NAT14: variants seen among roughly 807,000 people sequenced by gnomAD.
NAT14 encodes the protein N-acetyltransferase 14 (putative), also known as probable N-acetyltransferase 14.
Under a neutral mutation model 12.1 loss-of-function variants are expected in NAT14, and 14 were observed. The observed-to-expected ratio is 1.16, with a 90% confidence interval of 0.76 to 1.81. The LOEUF (loss-of-function observed/expected upper bound fraction) is 1.81. Ranked by LOEUF, NAT14 falls within the 40% of genes most tolerant of loss-of-function variation. The pLI, the probability that NAT14 is intolerant of heterozygous loss-of-function variation, is 0.00. For missense variants in NAT14, 341 were observed against 304.3 expected, an observed-to-expected ratio of 1.12 and a Z score of -0.90; for synonymous variants, 156 against 145.1, an observed-to-expected ratio of 1.08 and a Z score of -0.54.
At chr19:55,485,976 T>A (rs1986903326) in intron 2 of NAT14, 196 bp downstream of exon 2, 1 of 609,498 alleles carries the variant, frequency 1.6e-6, no homozygotes, top group Non-Finnish European at 2.9e-6. Context: ...CCAGCCCTAC[T>A]GGGACCCCAG....
chr19:55,485,816 C>T lies in NAT14; in HGVS notation c.72+36C>T, dbSNP rs777312174. ...GGGGCCCCAGGGGGCCTGGGAGTGG[C>T]TGCAGTGGGGGAATTGCAAGTGGAT... On this transcript the variant is annotated intron_variant, in intron 2 of 2. Coordinates refer to ENST00000205194, the MANE Select transcript of NAT14 (RefSeq NM_020378.4). 6.8e-6 allele frequency: 10 copies of T among 1,464,094 alleles called. No individual in the cohort carries two copies. In the South Asian group the frequency reaches 1.1e-4, roughly 16 times the overall value. 90.7% of individuals were successfully genotyped at this position (1,464,094 alleles called of 1,614,324 possible).
chr19:55,487,294 C>T lies in NAT14; in HGVS notation c.*338C>T, dbSNP rs779787796. On this transcript the variant is annotated 3_prime_UTR_variant, in exon 3 of 3. Transcript: ENST00000205194. ...TCTGCAAAGTCTGTGCTGTCCGTGCCCCAGGCTGGGAGAGCTATCTGGGGA... is the reference window on the plus strand; with the variant it reads ...TCTGCAAAGTCTGTGCTGTCCGTGCTCCAGGCTGGGAGAGCTATCTGGGGA... The T allele has an allele frequency of 3.7e-5, 16 of 435,460 alleles. No homozygotes were observed. Among genetic ancestry groups the T allele is most frequent in the Non-Finnish European group, 5.6e-5 (14 of 249,088 alleles). The allele number at this position is 435,460 out of a possible 1,614,324, so 27.0% of individuals were successfully genotyped here.
chr19:55,486,326 C>T (rs1986910239), intron 2 of NAT14, 82 bp from the exon 3 acceptor site: 1 of 1,384,696 alleles, frequency 7.2e-7, no homozygotes, highest in Non-Finnish European at 9.3e-7. Flanking sequence ...GCTCTCACCC[C>T]GCCCCGGGCA....
chr19:55,486,486 G>T lies in NAT14; in HGVS notation c.151G>T (p.Ala51Ser). Reference sequence around the variant, plus strand: ...GCCGGCCCTGCTCCTCCTGGCGGCGGCCAGCAGCGGCCTGCGCTTTGTCCT... The same window carrying T: ...GCCGGCCCTGCTCCTCCTGGCGGCGTCCAGCAGCGGCCTGCGCTTTGTCCT... The part of the protein sequence containing the change: ...RPPALLLLAA[A>S]SSGLRFVLAS... The change falls in exon 3 of 3, where the codon GCC becomes TCC. Residue 51 changes from alanine to serine, a missense_variant. Ala to Ser is a moderately conservative substitution (Grantham distance 99). Coordinates refer to ENST00000205194, the MANE Select transcript of NAT14 (RefSeq NM_020378.4). The T allele has an allele frequency of 1.3e-6, 2 of 1,563,674 alleles. No homozygotes were observed. The highest frequency in any genetic ancestry group is 1.2e-5 in the South Asian group (1 of 85,920).
rs1240857228 is a variant in NAT14, at chr19:55,486,397, C to T, written c.73-11C>T. 5 of 1,442,488 alleles carry T rather than the reference C, an allele frequency of 3.5e-6. No individual in the cohort carries two copies. The highest frequency in any genetic ancestry group is 2.7e-5 in the East Asian group (1 of 37,052). 89.4% of individuals were successfully genotyped at this position (1,442,488 alleles called of 1,614,324 possible). On this transcript the variant is annotated splice_polypyrimidine_tract_variant and intron_variant, in intron 2 of 2. Coordinates refer to ENST00000205194, the MANE Select transcript of NAT14 (RefSeq NM_020378.4). ...CGTTTCGGATGGCTGAGCCACCCCTCCTGCCCACAGGCCGGCGTGAAGGAC... is the reference window on the plus strand; with the variant it reads ...CGTTTCGGATGGCTGAGCCACCCCTTCTGCCCACAGGCCGGCGTGAAGGAC...
chr19:55,486,977 G>A lies in NAT14; in HGVS notation c.*21G>A, dbSNP rs1599906714. ...TGTGAAGCTACAGACTGACAGCCAGGGCAGGGGAGGAGGGAGGGGCGCCAG... is the reference window on the plus strand; with the variant it reads ...TGTGAAGCTACAGACTGACAGCCAGAGCAGGGGAGGAGGGAGGGGCGCCAG... On this transcript the variant is annotated 3_prime_UTR_variant, in exon 3 of 3. Coordinates refer to ENST00000205194, the MANE Select transcript of NAT14 (RefSeq NM_020378.4). 2.6e-6 allele frequency: 4 copies of A among 1,535,494 alleles called. No homozygotes were observed. Among genetic ancestry groups the A allele is most frequent in the East Asian group, 4.9e-5 (2 of 40,624 alleles).
At position 55,486,335 on chromosome 19, in the gene NAT14, C is replaced by A. The variant is rs953180244; in HGVS notation, c.73-73C>A. ...TTGGGAGCTCTCACCCCGCCCCGGG[C>A]AGGGTCTACCTCCTCTCTTTGTCCA... On this transcript the variant is annotated intron_variant, in intron 2 of 2. Transcript: ENST00000205194. 6 of 1,387,842 alleles carry A rather than the reference C, an allele frequency of 4.3e-6. No homozygotes were observed. The African/African-American group carries it at 9.1e-5, about 21-fold the overall frequency. 86.0% of individuals were successfully genotyped at this position (1,387,842 alleles called of 1,614,324 possible). A position where few individuals can be genotyped will look rare whatever the true frequency, so the allele number is the denominator to read the frequency against.
At position 55,486,995 on chromosome 19, in the gene NAT14, G is replaced by A; in HGVS notation, c.*39G>A. Reference sequence around the variant, plus strand: ...CAGCCAGGGCAGGGGAGGAGGGAGGGGCGCCAGCACCTGATGATCGCCTAC... The same window carrying A: ...CAGCCAGGGCAGGGGAGGAGGGAGGAGCGCCAGCACCTGATGATCGCCTAC... On this transcript the variant is annotated 3_prime_UTR_variant, in exon 3 of 3. Coordinates refer to ENST00000205194, the MANE Select transcript of NAT14 (RefSeq NM_020378.4). 1 of 1,521,680 alleles carries A rather than the reference G, an allele frequency of 6.6e-7. No individual in the cohort carries two copies. The allele number at this position is 1,521,680 out of a possible 1,614,324, so 94.3% of individuals were successfully genotyped here. A position where few individuals can be genotyped will look rare whatever the true frequency, so the allele number is the denominator to read the frequency against.
intron 2 of NAT14, 92 bp downstream of exon 2, chr19:55,485,872 G>A (rs1986899622): frequency 3.0e-6 from 3 of 991,296 alleles, no homozygotes; most frequent in Non-Finnish European, 4.7e-6. Flanking sequence ...ACCTGAGCCA[G>A]CCTGGACCCC....
At position 55,485,215 on chromosome 19, in the gene NAT14, C is replaced by G. The variant is rs1986882489; in HGVS notation, c.-92C>G. ...TTCCGCCCGCGACCCCCTTCCAGAC[C>G]CGCTCCCGAAACCTTGTCGAAGGAC... On this transcript the variant is annotated 5_prime_UTR_variant, in exon 1 of 3. Coordinates refer to ENST00000205194, the MANE Select transcript of NAT14 (RefSeq NM_020378.4). The G allele has an allele frequency of 6.5e-6, 1 of 153,342 alleles. No homozygotes were observed. The highest frequency in any genetic ancestry group is 1.5e-5 in the Non-Finnish European group (1 of 68,848). 9.5% of individuals were successfully genotyped at this position (153,342 alleles called of 1,614,324 possible).
At position 55,487,180 on chromosome 19, in the gene NAT14, C is replaced by T. The variant is rs1844113702; in HGVS notation, c.*224C>T. 2 of 653,948 alleles carry T rather than the reference C, an allele frequency of 3.1e-6. No homozygotes were observed. Among genetic ancestry groups the T allele is most frequent in the Admixed American group, 7.6e-5 (2 of 26,318 alleles). 40.5% of individuals were successfully genotyped at this position (653,948 alleles called of 1,614,324 possible). A position where few individuals can be genotyped will look rare whatever the true frequency, so the allele number is the denominator to read the frequency against. ...TTCTCAGAGTGGAATGACTCCTTTT[C>T]CTTCCTGGCCCTCGGGGGCCTCTCG... On this transcript the variant is annotated 3_prime_UTR_variant, in exon 3 of 3. Coordinates refer to ENST00000205194, the MANE Select transcript of NAT14 (RefSeq NM_020378.4).
In NAT14 at chr19:55,486,787, C is replaced by A. The variant is rs1188379725; in HGVS notation, c.452C>A (p.Ala151Asp). ...CTGCTGGCCTTCGCGGAGGCCCGGG[C>A]TCGGGCCTGGGCTGGGGGCATGGGG... Reference protein sequence around the residue: ...RRLLAFAEARARAWAGGMGEP... With the variant: ...RRLLAFAEARDRAWAGGMGEP... Residue 151 changes from alanine (A) to aspartate (D), a missense_variant, in exon 3 of 3, where the codon GCT (alanine) becomes GAT (aspartate). Coordinates refer to ENST00000205194, the MANE Select transcript of NAT14 (RefSeq NM_020378.4). The A allele has an allele frequency of 7.0e-7, 1 of 1,433,894 alleles. No individual in the cohort carries two copies. The highest frequency in any genetic ancestry group is 2.8e-5 in the East Asian group (1 of 36,332). The allele number at this position is 1,433,894 out of a possible 1,614,324, so 88.8% of individuals were successfully genotyped here.
rs1422265758 is a variant in NAT14, at chr19:55,486,452, G to A, written c.117G>A (p.Leu39=). 16 of 1,535,030 alleles carry A rather than the reference G, an allele frequency of 1.0e-5. No individual in the cohort carries two copies. The highest frequency in any genetic ancestry group is 1.3e-5 in the Non-Finnish European group (15 of 1,151,346). The change falls in exon 3 of 3, where the codon TTG becomes TTA. Residue 39 remains leucine (L), a synonymous_variant. Transcript: ENST00000205194. ...DTENRVALHA[L]TRPPALLLLA... ...AAAACCGCGTGGCCCTCCATGCCTTGACACGGCCGCCGGCCCTGCTCCTCC... is the reference window on the plus strand; with the variant it reads ...AAAACCGCGTGGCCCTCCATGCCTTAACACGGCCGCCGGCCCTGCTCCTCC...
Position 55,486,831 on chromosome 19 carries a change from G to A in NAT14, c.496G>A (p.Val166Met). 2 of 1,512,406 alleles carry A rather than the reference G, an allele frequency of 1.3e-6. No homozygotes were observed. Among genetic ancestry groups the A allele is most frequent in the African/African-American group, 1.4e-5 (1 of 71,430 alleles). 93.7% of individuals were successfully genotyped at this position (1,512,406 alleles called of 1,614,324 possible). The change falls in exon 3 of 3, where the codon GTG becomes ATG. Residue 166 changes from valine to methionine, a missense_variant. Transcript: ENST00000205194. ...CATGGGGGAGCCCCGGGCCCGGCTC[G>A]TGGTCCCCGTGGCTGTGGCCGCCTG... Reference protein sequence around the residue: ...GGMGEPRARLVVPVAVAAWGV... With the variant: ...GGMGEPRARLMVPVAVAAWGV...
At position 55,487,007 on chromosome 19, in the gene NAT14, T is replaced by C. The variant is rs757144323; in HGVS notation, c.*51T>C. On this transcript the variant is annotated 3_prime_UTR_variant, in exon 3 of 3. Transcript: ENST00000205194. ...GGGAGGAGGGAGGGGCGCCAGCACC[T>C]GATGATCGCCTACTGTCTGCGGGTT... The C allele has an allele frequency of 2.0e-6, 3 of 1,513,070 alleles. No homozygotes were observed. Among genetic ancestry groups the C allele is most frequent in the African/African-American group, 1.4e-5 (1 of 71,288 alleles). 93.7% of individuals were successfully genotyped at this position (1,513,070 alleles called of 1,614,324 possible).
chr19:55,485,507 T>TG (rs1986890866), intron 1 of NAT14, among the ~76,000 whole-genome samples, 154 bp from the exon 2 acceptor site: 1 of 150,044 alleles, frequency 6.7e-6, no homozygotes, highest in African/African-American at 2.5e-5. Flanking sequence ...CTGAGTATTG[T>TG]GGGGGGCGCC....
intron 2 of NAT14, 48 bp from the exon 3 acceptor site, chr19:55,486,360 A>G (rs765154312): frequency 2.1e-6 from 3 of 1,400,740 alleles, no homozygotes; most frequent in East Asian, 5.7e-5. Flanking sequence ...CTCTTTGTCC[A>G]GGAGGCCCTA....
Position 55,486,685 on chromosome 19 carries a change from C to T in NAT14, c.350C>T (p.Thr117Ile). Residue 117 changes from threonine to isoleucine, a missense_variant, in exon 3 of 3, where the codon ACA becomes ATA. Coordinates refer to ENST00000205194, the MANE Select transcript of NAT14 (RefSeq NM_020378.4). ...VCGVLALAPG[T>I]NAGDGARVTR... ...GGGGTCCTGGCTCTGGCCCCTGGCA[C>T]AAATGCAGGGGACGGGGCCCGGGTC... 6.9e-7 allele frequency: 1 copy of T among 1,439,628 alleles called. No individual in the cohort carries two copies. Among genetic ancestry groups the T allele is most frequent in the Non-Finnish European group, 9.0e-7 (1 of 1,108,264 alleles). The allele number at this position is 1,439,628 out of a possible 1,614,324, so 89.2% of individuals were successfully genotyped here. A position where few individuals can be genotyped will look rare whatever the true frequency, so the allele number is the denominator to read the frequency against.
intron 2 of NAT14, 65 bp downstream of exon 2, chr19:55,485,845 G>A: frequency 1.6e-6 from 2 of 1,271,542 alleles, no homozygotes; most frequent in Non-Finnish European, 2.2e-6. Flanking sequence ...AGTGGATTCA[G>A]CCACCCCCTC....
Sources: allele counts gnomAD v4.1 joint callset (sites outside exome capture counted in the v4.1 genomes callset), GRCh38; gene constraint gnomAD v4.1.1; transcripts MANE v1.5; gene names NCBI Gene and HGNC (gene_info 2026-07-23, HGNC 2026-07-21).